CSMD2: variants seen among roughly 807,000 people sequenced by gnomAD.
The protein encoded by CSMD2 is CUB and Sushi multiple domains 2.
CSMD2 carries 130 observed loss-of-function variants against 398.5 expected under a neutral mutation model. That is an observed-to-expected ratio of 0.33 (90% confidence interval 0.28 to 0.38). The LOEUF (loss-of-function observed/expected upper bound fraction) is 0.38, where lower values mean the gene tolerates loss of function less well. Among genes scored for constraint, CSMD2 ranks in the 10% least tolerant of loss-of-function variants. The pLI is 1.00. For synonymous variants in CSMD2, 1,828 were observed against 1,908.5 expected (o/e 0.96, Z 1.10); for missense variants, 3,829 against 4,764.9 (o/e 0.80, Z 5.78).
At chr1:33,778,396 G>C (rs1176970630) in intron 12 of CSMD2, among the ~76,000 whole-genome samples, 1 of 152,164 alleles carries the variant, frequency 6.6e-6, no homozygotes, top group Non-Finnish European at 1.5e-5. Flanking sequence ...ACTGGTTACT[G>C]TTCTAGACAT....
intron 2 of CSMD2, among the ~76,000 whole-genome samples, chr1:34,047,017 G>A (rs549182347): frequency 1.1e-4 from 16 of 152,160 alleles, no homozygotes; most frequent in African/African-American, 3.6e-4. Context: ...TAACACAGCA[G>A]CTTCTGTGAT....
At position 33,624,639 on chromosome 1, in the gene CSMD2, C is replaced by A. The variant is rs139820963; in HGVS notation, c.5505G>T (p.Pro1835=). The A allele has an allele frequency of 7.5e-5, 121 of 1,613,134 alleles. No homozygotes were observed. The African/African-American group carries it at 1.5e-3, about 21-fold the overall frequency. ...WNVSAPTCVV[P]CGGNLTERRG... The stretch of plus-strand genomic sequence containing the variant: ...TGCGCTCTGTGAGGTTGCCTCCACA[C>A]GGCACTGGGAGGAGAGGCCATCGGG... Residue 1835 remains proline, a synonymous_variant, in exon 35 of 71, where the codon CCG becomes CCT. Coordinates refer to ENST00000373381, the MANE Select transcript of CSMD2 (RefSeq NM_001281956.2). The surrounding 1 kb of genome is among the most constrained non-coding windows in gnomAD (Gnocchi z 4.7).
At chr1:33,604,433 C>G (rs1640446269) in intron 42 of CSMD2, among the ~76,000 whole-genome samples, 2 of 152,162 alleles carry the variant, frequency 1.3e-5, no homozygotes, top group South Asian at 4.1e-4. Flanking sequence ...GAGAGTGAGC[C>G]ATCTGTGAAG....
Position 33,633,415 on chromosome 1 carries a change from C to T in CSMD2, c.5200+7G>A, listed in dbSNP as rs1304382867. The T allele has an allele frequency of 7.8e-6, 12 of 1,547,882 alleles. No homozygotes were observed. The highest frequency in any genetic ancestry group is 1.0e-5 in the Non-Finnish European group (12 of 1,144,454). ...AACCATCCCCACACTGGCCGAGCCCCGGATACCTGTATGGGAGCCCGAGAG... is the reference window on the plus strand; with the variant it reads ...AACCATCCCCACACTGGCCGAGCCCTGGATACCTGTATGGGAGCCCGAGAG... On this transcript the variant is annotated splice_region_variant and intron_variant, in intron 32 of 70. Transcript: ENST00000373381. The surrounding 1 kb of genome is among the most constrained non-coding windows in gnomAD (Gnocchi z 5.0).
chr1:33,583,424 G>C (rs566463713), intron 47 of CSMD2, among the ~76,000 whole-genome samples: 5 of 152,156 alleles, frequency 3.3e-5, no homozygotes, highest in African/African-American at 1.2e-4. Flanking sequence ...AGTAAGAAAA[G>C]GTTCGGTAAC....
chr1:33,650,750 G>A (rs1311009330), intron 28 of CSMD2, among the ~76,000 whole-genome samples: 4 of 152,146 alleles, frequency 2.6e-5, no homozygotes, highest in Non-Finnish European at 5.9e-5. Flanking sequence ...GCCCTAAGGT[G>A]TGCCACTCTA....
intron 1 of CSMD2, among the ~76,000 whole-genome samples, chr1:34,097,031 C>A (rs1489544719): frequency 3.0e-4 from 40 of 134,866 alleles, no homozygotes; most frequent in African/African-American, 7.8e-4. Context: ...GCTACAGTAA[C>A]CAAAACAGCA....
intron 22 of CSMD2, among the ~76,000 whole-genome samples, chr1:33,705,451 A>G (rs913686530): frequency 2.0e-5 from 3 of 152,156 alleles, no homozygotes; most frequent in African/African-American, 7.2e-5. Flanking sequence ...CGTTGATACC[A>G]AAGTTTCTAC....
intron 11 of CSMD2, among the ~76,000 whole-genome samples, chr1:33,789,649 G>C (rs1482462743): frequency 6.6e-6 from 1 of 152,218 alleles, no homozygotes; most frequent in Non-Finnish European, 1.5e-5. Context: ...TTCACCCAGG[G>C]TCTCAGAGCT....
chr1:33,913,147 TG>T (rs1643548122), intron 5 of CSMD2, among the ~76,000 whole-genome samples: 1 of 152,170 alleles, frequency 6.6e-6, no homozygotes, highest in Admixed American at 6.5e-5. Flanking sequence ...CTGGCCAGTG[TG>T]GGGCTAGATC....
intron 5 of CSMD2, among the ~76,000 whole-genome samples, chr1:33,905,627 G>T (rs1377698025): frequency 6.6e-6 from 1 of 152,308 alleles, no homozygotes; most frequent in East Asian, 1.9e-4. Flanking sequence ...GGTTTGATGG[G>T]TGCTGTTTTT....
At chr1:33,939,538 A>C (rs1454628053) in intron 3 of CSMD2, among the ~76,000 whole-genome samples, 1 of 152,192 alleles carries the variant, frequency 6.6e-6, no homozygotes, top group Non-Finnish European at 1.5e-5. Flanking sequence ...GACCCAATTT[A>C]ATTAAATTAC....
chr1:33,622,283 A>G lies in CSMD2; in HGVS notation c.5723-12T>C. 1 of 1,604,228 alleles carries G rather than the reference A, an allele frequency of 6.2e-7. No homozygotes were observed. Among genetic ancestry groups the G allele is most frequent in the Non-Finnish European group, 8.5e-7 (1 of 1,171,086 alleles). ...AGGCACGGTTGTTCCTAGGGCAAGG[A>G]CACCAGGGAAAACCATTTAAGTTTG... On this transcript the variant is annotated splice_polypyrimidine_tract_variant and intron_variant, in intron 36 of 70. Coordinates refer to ENST00000373381, the MANE Select transcript of CSMD2 (RefSeq NM_001281956.2).
At chr1:34,099,116 C>G (rs909395414) in intron 1 of CSMD2, among the ~76,000 whole-genome samples, 1 of 152,158 alleles carries the variant, frequency 6.6e-6, no homozygotes, top group Non-Finnish European at 1.5e-5. Context: ...AATAAAGCCT[C>G]TAACTCCACA....
At chr1:33,931,494 G>C (rs913160107) in intron 4 of CSMD2, among the ~76,000 whole-genome samples, 1 of 152,106 alleles carries the variant, frequency 6.6e-6, no homozygotes, top group Non-Finnish European at 1.5e-5. Flanking sequence ...GACTGGGGGT[G>C]GGGGGAAGCC....
chr1:34,049,029 C>T (rs1652870093), intron 2 of CSMD2, among the ~76,000 whole-genome samples: 1 of 152,070 alleles, frequency 6.6e-6, no homozygotes, highest in South Asian at 2.1e-4. Context: ...GTGGAGAGAC[C>T]CTTCTCAGTA....
In CSMD2 at chr1:33,559,291, G is replaced by A; in HGVS notation, c.8554+9C>T. Reference sequence around the variant, plus strand: ...TGGGGACTGGATTGGGAGAGAAAGGGTGACTCACTTCTGCAGGTGGGCAGC... The same window carrying A: ...TGGGGACTGGATTGGGAGAGAAAGGATGACTCACTTCTGCAGGTGGGCAGC... On this transcript the variant is annotated intron_variant, in intron 54 of 70. Coordinates refer to ENST00000373381, the MANE Select transcript of CSMD2 (RefSeq NM_001281956.2). This position sits in a 1 kb window ranked among gnomAD's most constrained non-coding sequence, Gnocchi z 4.0. The A allele has an allele frequency of 6.5e-7, 1 of 1,534,326 alleles. No individual in the cohort carries two copies. Among genetic ancestry groups the A allele is most frequent in the South Asian group, 1.2e-5 (1 of 83,954 alleles).
At chr1:33,967,822 G>A (rs1464828999) in intron 3 of CSMD2, among the ~76,000 whole-genome samples, 1 of 152,042 alleles carries the variant, frequency 6.6e-6, no homozygotes, top group Non-Finnish European at 1.5e-5. Flanking sequence ...AACCTCCACG[G>A]GGCAGGATAA....
chr1:33,844,393 G>A (rs1023658661), intron 6 of CSMD2, among the ~76,000 whole-genome samples: 5 of 152,312 alleles, frequency 3.3e-5, no homozygotes, highest in South Asian at 2.1e-4. Context: ...ATCCTGCTAT[G>A]CACAGGACAC....
Sources: gnomAD v4.1 joint callset for allele counts (sites outside exome capture counted in the v4.1 genomes callset) on GRCh38, gnomAD v4.1.1 for gene constraint, Gnocchi (gnomAD v3.1) non-coding constraint, MANE v1.5 for transcripts, NCBI Gene and HGNC (gene_info 2026-07-23, HGNC 2026-07-21) for gene names.